RNF13: variants seen among roughly 807,000 people sequenced by gnomAD.
RNF13 encodes ring finger protein 13, also known as E3 ubiquitin-protein ligase RNF13.
In RNF13, 19 loss-of-function variants were observed where a neutral mutation model predicts 37.7. The ratio of observed to expected loss-of-function variants is 0.50; its 90% confidence interval spans 0.35 to 0.74. The LOEUF (loss-of-function observed/expected upper bound fraction) is 0.74, where lower values mean the gene tolerates loss of function less well. RNF13 is among the 30% of genes least tolerant of loss of function. The pLI is 0.01. For synonymous variants in RNF13, 144 were observed against 157.8 expected (o/e 0.91, Z 0.65); for missense variants, 375 against 453.0 (o/e 0.83, Z 1.56).
At chr3:149,910,272 C>A (rs1272340435) in intron 6 of RNF13, among the ~76,000 whole-genome samples, 1 of 152,008 alleles carries the variant, frequency 6.6e-6, no homozygotes, top group Non-Finnish European at 1.5e-5. Flanking sequence ...CCTGCTGCTG[C>A]TGATTTTCTT....
At chr3:149,934,995 A>G (rs918340130) in intron 8 of RNF13, among the ~76,000 whole-genome samples, 1 of 152,124 alleles carries the variant, frequency 6.6e-6, no homozygotes, top group African/African-American at 2.4e-5. Flanking sequence ...TACAATTTTG[A>G]CTTTTTTGAG....
chr3:149,917,741 T>C (rs143978117), intron 7 of RNF13, among the ~76,000 whole-genome samples: 29 of 152,326 alleles, frequency 1.9e-4, no homozygotes, highest in African/African-American at 6.7e-4. Context: ...AAAACCTCCT[T>C]TGTGGCATGG....
At chr3:149,820,270 T>C (rs1322810473) in intron 1 of RNF13, among the ~76,000 whole-genome samples, 1 of 152,050 alleles carries the variant, frequency 6.6e-6, no homozygotes, top group Non-Finnish European at 1.5e-5. Flanking sequence ...TGGTATGGTC[T>C]CAAACTCCTG....
At chr3:149,869,542 C>A (rs957600447) in intron 3 of RNF13, among the ~76,000 whole-genome samples, 1 of 151,170 alleles carries the variant, frequency 6.6e-6, no homozygotes, top group African/African-American at 2.4e-5. Context: ...GGAGGCGGAG[C>A]TTGCAGTGAG....
intron 8 of RNF13, among the ~76,000 whole-genome samples, chr3:149,931,977 A>G (rs556375941): frequency 6.6e-6 from 1 of 152,234 alleles, no homozygotes; most frequent in Non-Finnish European, 1.5e-5. Flanking sequence ...ACTTAGTATC[A>G]TGTCCTCTAG....
chr3:149,938,607 G>T (rs1410547973), intron 8 of RNF13, among the ~76,000 whole-genome samples: 2 of 149,606 alleles, frequency 1.3e-5, no homozygotes, highest in African/African-American at 2.5e-5. Context: ...CACATTTTTT[G>T]GATTAGGGTT....
chr3:149,920,209 A>G (rs1052418705), intron 7 of RNF13, among the ~76,000 whole-genome samples: 4 of 151,780 alleles, frequency 2.6e-5, no homozygotes, highest in Non-Finnish European at 4.4e-5. Flanking sequence ...TGTATTTTTC[A>G]TTTTTAAATT....
At chr3:149,958,341 A>G (rs1038097714) in intron 8 of RNF13, among the ~76,000 whole-genome samples, 1 of 152,132 alleles carries the variant, frequency 6.6e-6, no homozygotes, top group Non-Finnish European at 1.5e-5. Context: ...AGGGCACTCA[A>G]TTCCTTGACT....
At chr3:149,828,587 G>C (rs1292465725) in intron 1 of RNF13, among the ~76,000 whole-genome samples, 1 of 152,034 alleles carries the variant, frequency 6.6e-6, no homozygotes, top group East Asian at 1.9e-4. Flanking sequence ...TTATTGCTAG[G>C]GTTGGCAGCC....
At chr3:149,933,165 A>G (rs974180369) in intron 8 of RNF13, among the ~76,000 whole-genome samples, 2 of 152,004 alleles carry the variant, frequency 1.3e-5, no homozygotes, top group African/African-American at 4.8e-5. Flanking sequence ...GCAGCCTCTT[A>G]AGATGGTGCA....
intron 8 of RNF13, among the ~76,000 whole-genome samples, chr3:149,942,494 G>GTT (rs200856211): frequency 6.6e-6 from 1 of 151,254 alleles, no homozygotes; most frequent in African/African-American, 2.4e-5. Flanking sequence ...GTTTTGTTTT[G>GTT]TTTTTTTTAC....
chr3:149,853,739 A>G lies in RNF13; in HGVS notation c.195+1143A>G, dbSNP rs367856688. ...GGTTAGAAAGTCCTTTCTCATTCCA[A>G]GATAATATTAGTTTTTTGTTATATG... On this transcript the variant is annotated intron_variant, in intron 3 of 9. Coordinates refer to ENST00000392894, the MANE Select transcript of RNF13 (RefSeq NM_183381.3). 4.9e-4 allele frequency among the ~76,000 whole-genome samples: 74 copies of G among 151,938 alleles called. 1 individual carries two copies. In the East Asian group the frequency reaches 8.5e-3, roughly 17 times the overall value.
intron 4 of RNF13, among the ~76,000 whole-genome samples, chr3:149,891,751 G>GT (rs1328789246): frequency 6.6e-6 from 1 of 152,158 alleles, no homozygotes; most frequent in Non-Finnish European, 1.5e-5. Flanking sequence ...TGCATGCTTT[G>GT]TTTCATGAAT....
rs55797755 is a variant in RNF13 at position 149,906,283 on chromosome 3, CT to C, written c.500+4130del. On this transcript the variant is annotated intron_variant, in intron 6 of 9. Coordinates refer to ENST00000392894, the MANE Select transcript of RNF13 (RefSeq NM_183381.3). ...CACAACTTGGCTATTGTGAATAATG[CT>C]TTTTTTTTCACTATTTGTGTACAAA... 4.4e-4 allele frequency among the ~76,000 whole-genome samples: 67 copies of C among 150,716 alleles called. 1 individual carries two copies. The highest frequency in any genetic ancestry group is 3.4e-3 in the Middle Eastern group (1 of 294).
chr3:149,885,823 G>T (rs1003702615), intron 4 of RNF13, among the ~76,000 whole-genome samples: 2 of 152,174 alleles, frequency 1.3e-5, no homozygotes, highest in Non-Finnish European at 2.9e-5. Flanking sequence ...ATGTCCTGGA[G>T]ATTTTCCCCA....
intron 8 of RNF13, among the ~76,000 whole-genome samples, chr3:149,955,653 A>G (rs1286877229): frequency 2.0e-5 from 3 of 152,210 alleles, no homozygotes; most frequent in South Asian, 2.1e-4. Context: ...GCAGCGAGTA[A>G]GTGGCAACTC....
At chr3:149,935,298 G>A (rs1719564660) in intron 8 of RNF13, among the ~76,000 whole-genome samples, 1 of 152,108 alleles carries the variant, frequency 6.6e-6, no homozygotes, top group African/African-American at 2.4e-5. Context: ...ATCGGCAGCA[G>A]ATCATTGGGT....
At chr3:149,878,063 GC>G (rs1386109785) in intron 4 of RNF13, among the ~76,000 whole-genome samples, 1 of 152,086 alleles carries the variant, frequency 6.6e-6, no homozygotes, top group East Asian at 1.9e-4. Flanking sequence ...ATTTACATGT[GC>G]TTTATTCTAA....
chr3:149,958,405 T>C (rs1042391765), intron 8 of RNF13, among the ~76,000 whole-genome samples: 1 of 152,172 alleles, frequency 6.6e-6, no homozygotes, highest in Non-Finnish European at 1.5e-5. Context: ...TCCCTGACCA[T>C]TCATCTGTAG....
Sources: gnomAD v4.1 joint callset for allele counts (sites outside exome capture counted in the v4.1 genomes callset) on GRCh38, gnomAD v4.1.1 for gene constraint, MANE v1.5 for transcripts, NCBI Gene and HGNC (gene_info 2026-07-23, HGNC 2026-07-21) for gene names.